Variants in CEP44 observed in about 807,000 individuals in gnomAD.
CEP44 encodes centrosomal protein of 44 kDa.
In CEP44, 45 loss-of-function variants were observed where a neutral mutation model predicts 46.7. The observed-to-expected ratio is 0.96, with a 90% CI of 0.76 to 1.24. The LOEUF (loss-of-function observed/expected upper bound fraction) is 1.24, where lower values mean the gene tolerates loss of function less well. Among genes scored for constraint, CEP44 ranks in the 50% most tolerant of loss-of-function variants. The pLI, the probability that CEP44 is intolerant of heterozygous loss-of-function variation, is 0.00. For missense variants in CEP44, 475 were observed against 459.7 expected, an observed-to-expected ratio of 1.03 and a Z score of -0.30; for synonymous variants, 142 against 146.0, an observed-to-expected ratio of 0.97 and a Z score of 0.20.
chr4:174,306,689 T>G (rs114361367), intron 6 of CEP44, among the ~76,000 whole-genome samples: 81 of 152,268 alleles, frequency 5.3e-4, no homozygotes, highest in Non-Finnish European at 1.0e-3. Flanking sequence ...GCAAAATTGC[T>G]GTATGTTTAA....
At chr4:174,317,007 A>C (rs2126669739) in intron 11 of CEP44, among the ~76,000 whole-genome samples, 1 of 151,890 alleles carries the variant, frequency 6.6e-6, no homozygotes, top group African/African-American at 2.4e-5. Context: ...GTCTAGTACA[A>C]ATGGTGTGAT....
Position 174,316,573 on chromosome 4 carries a change from T to G in CEP44, c.1124+6T>G, listed in dbSNP as rs1221582311. ...ATGGAAAGGATGAAAAAAATGTAAG[T>G]AACAGAAAGGGGCAACAGAAATTCA... On this transcript the variant is annotated splice_donor_region_variant and intron_variant, in intron 11 of 11. Transcript: ENST00000503780. 2.5e-6 allele frequency: 4 copies of G among 1,589,022 alleles called. No individual in the cohort carries two copies. In the Admixed American group the frequency reaches 7.0e-5, roughly 28 times the overall value.
Position 174,299,104 on chromosome 4 carries a change from T to G in CEP44, c.-18T>G, listed in dbSNP as rs768996936. On this transcript the variant is annotated 5_prime_UTR_variant, in exon 3 of 12. Coordinates refer to ENST00000503780, the MANE Select transcript of CEP44 (RefSeq NM_001040157.3). ...ATTAGACGATTTCAAGAATTGGAGC[T>G]GAATCTGATGTTAAGTAATGGCAAC... 2.5e-6 allele frequency: 4 copies of G among 1,601,312 alleles called. No homozygotes were observed. The highest frequency in any genetic ancestry group is 1.7e-4 in the Middle Eastern group (1 of 6,030).
intron 1 of CEP44, among the ~76,000 whole-genome samples, chr4:174,295,743 C>T (rs1023492037): frequency 2.6e-5 from 4 of 152,214 alleles, no homozygotes; most frequent in African/African-American, 7.2e-5. Flanking sequence ...CCCGGCACCT[C>T]GGGAGGCCGA....
chr4:174,298,847 A>AT (rs1192770264), intron 2 of CEP44, among the ~76,000 whole-genome samples: 2 of 152,142 alleles, frequency 1.3e-5, no homozygotes, highest in African/African-American at 2.4e-5. Flanking sequence ...AGGCAAACTT[A>AT]TTTTTTTGGG....
chr4:174,327,964 G>C (rs1202765052), intron 8 of CEP44, among the ~76,000 whole-genome samples: 1 of 152,118 alleles, frequency 6.6e-6, no homozygotes, highest in East Asian at 1.9e-4. Flanking sequence ...TTATAACTTT[G>C]GGTGGGAAAA....
chr4:174,308,782 G>A lies in CEP44; in HGVS notation c.601G>A (p.Val201Ile). The change falls in exon 7 of 12, where the codon GTT becomes ATT. Residue 201 changes from valine (V) to isoleucine (I), a missense_variant. Transcript: ENST00000503780. ...TCCAATAACAGATGTTAATGAAGCA[G>A]TTGATGTGTCTGACTTAAATGCTAC... Reference protein sequence around the residue: ...LSPITDVNEAVDVSDLNATEI... With the variant: ...LSPITDVNEAIDVSDLNATEI... 2 of 1,613,280 alleles carry A rather than the reference G, an allele frequency of 1.2e-6. No individual in the cohort carries two copies. Among genetic ancestry groups the A allele is most frequent in the Non-Finnish European group, 1.7e-6 (2 of 1,179,404 alleles).
At position 174,312,700 on chromosome 4, in the gene CEP44, G is replaced by C. The variant is rs1395040230; in HGVS notation, c.961+1842G>C. On this transcript the variant is annotated intron_variant, in intron 9 of 11. Transcript: ENST00000503780. The surrounding 1 kb of genome is among the most constrained non-coding windows in gnomAD (Gnocchi z 4.5). ...CAGATTATGATTAGGTTGAATACCT[G>C]GTCTCATAGAGTTTATGATCTGATC... Among the ~76,000 whole-genome samples, 1 of 152,008 alleles carries C rather than the reference G, an allele frequency of 6.6e-6. No homozygotes were observed. Among genetic ancestry groups the C allele is most frequent in the Admixed American group, 6.6e-5 (1 of 15,264 alleles).
intron 11 of CEP44, 114 bp downstream of exon 11, chr4:174,316,681 G>A (rs1220435749): frequency 2.1e-6 from 2 of 956,100 alleles, no homozygotes; most frequent in East Asian, 2.9e-5. Flanking sequence ...TCTCAATCAG[G>A]TGTGGAATTT....
downstream of CEP44, among the ~76,000 whole-genome samples, chr4:174,321,633 T>C (rs2126689315): frequency 6.6e-6 from 1 of 152,278 alleles, no homozygotes; most frequent in South Asian, 2.1e-4. Context: ...ATATTCTGCA[T>C]ACATATTTGT....
Position 174,286,668 on chromosome 4 carries a change from C to G in CEP44, c.-148+2725C>G, listed in dbSNP as rs72702249. On this transcript the variant is annotated intron_variant, in intron 1 of 11. Transcript: ENST00000503780. This position sits in a 1 kb window ranked among gnomAD's most constrained non-coding sequence, Gnocchi z 5.2. The stretch of plus-strand genomic sequence containing the variant: ...GTTTATATACCTATTTATGACTCTT[C>G]TTTGGGAAAAATCTCCTTTGATAAT... Among the ~76,000 whole-genome samples the G allele has an allele frequency of 0.072, 10,964 of 152,208 alleles. 508 individuals carry two copies. Among genetic ancestry groups the G allele is most frequent in the Non-Finnish European group, 0.11 (7,278 of 67,992 alleles).
chr4:174,307,573 C>A (rs574036315), intron 6 of CEP44, among the ~76,000 whole-genome samples: 1 of 152,122 alleles, frequency 6.6e-6, no homozygotes, highest in African/African-American at 2.4e-5. Flanking sequence ...ATGACGAAGA[C>A]GCCAAAGGCA....
chr4:174,328,760 A>C (rs1296543326), intron 8 of CEP44, among the ~76,000 whole-genome samples: 3 of 152,190 alleles, frequency 2.0e-5, no homozygotes, highest in Admixed American at 6.5e-5. Context: ...AGATATTGTT[A>C]ATTTACAACT....
chr4:174,331,708 C>G lies in CEP44; in HGVS notation c.*113C>G, dbSNP rs1047663190. The G allele has an allele frequency of 7.2e-7, 1 of 1,392,768 alleles. No individual in the cohort carries two copies. Among genetic ancestry groups the G allele is most frequent in the African/African-American group, 1.4e-5 (1 of 69,436 alleles). 86.3% of individuals were successfully genotyped at this position (1,392,768 alleles called of 1,614,324 possible). A position where few individuals can be genotyped will look rare whatever the true frequency, so the allele number is the denominator to read the frequency against. Reference sequence around the variant, plus strand: ...TGGAAACCAGCTTCCTCCTCAGCTCCAGCTCTTTTAATGGGCATATCAAAA... The same window carrying G: ...TGGAAACCAGCTTCCTCCTCAGCTCGAGCTCTTTTAATGGGCATATCAAAA... On this transcript the variant is annotated 3_prime_UTR_variant, in exon 9 of 9. Transcript: ENST00000426172. This position sits in a 1 kb window ranked among gnomAD's most constrained non-coding sequence, Gnocchi z 4.5.
chr4:174,331,476 T>C lies in CEP44; in HGVS notation c.1087-6T>C, dbSNP rs1258987053. 1 of 1,551,164 alleles carries C rather than the reference T, an allele frequency of 6.4e-7. No homozygotes were observed. The highest frequency in any genetic ancestry group is 8.7e-7 in the Non-Finnish European group (1 of 1,146,772). On this transcript the variant is annotated splice_region_variant and splice_polypyrimidine_tract_variant and intron_variant, in intron 8 of 8. Transcript: ENST00000426172. This position sits in a 1 kb window ranked among gnomAD's most constrained non-coding sequence, Gnocchi z 4.5. ...TTTAATGTATAATTTTGTGTTTCCT[T>C]TCTAGAATTTTCCTGCATGGAGTGC...
rs1737851679 is a variant in CEP44 at position 174,288,885 on chromosome 4, TA to T, written c.-148+4945del. Among the ~76,000 whole-genome samples, 2 of 152,222 alleles carry T rather than the reference TA, an allele frequency of 1.3e-5. No homozygotes were observed. Among genetic ancestry groups the T allele is most frequent in the African/African-American group, 4.8e-5 (2 of 41,464 alleles). On this transcript the variant is annotated intron_variant, in intron 1 of 11. Coordinates refer to ENST00000503780, the MANE Select transcript of CEP44 (RefSeq NM_001040157.3). This position sits in a 1 kb window ranked among gnomAD's most constrained non-coding sequence, Gnocchi z 4.6. ...AAGTATCTTAGCTGTGGGCTTCTCA[TA>T]AATGGACTTTATTTTGTTTTTCCTT...
chr4:174,315,112 A>G (rs7678305), intron 9 of CEP44, among the ~76,000 whole-genome samples: 79,425 of 151,984 alleles, frequency 0.52, 21,451 homozygotes, highest in African/African-American at 0.57. Flanking sequence ...TATGAGAGAT[A>G]AAAATTAGTC....
Position 174,331,333 on chromosome 4 carries a change from G to C in CEP44, c.1087-149G>C, listed in dbSNP as rs1731309413. 4 of 670,022 alleles carry C rather than the reference G, an allele frequency of 6.0e-6. No individual in the cohort carries two copies. Among genetic ancestry groups the C allele is most frequent in the Non-Finnish European group, 8.9e-6 (4 of 447,182 alleles). 41.5% of individuals were successfully genotyped at this position (670,022 alleles called of 1,614,324 possible). A position where few individuals can be genotyped will look rare whatever the true frequency, so the allele number is the denominator to read the frequency against. On this transcript the variant is annotated intron_variant, in intron 8 of 8. Transcript: ENST00000426172. This position sits in a 1 kb window ranked among gnomAD's most constrained non-coding sequence, Gnocchi z 4.5. The stretch of plus-strand genomic sequence containing the variant: ...GATTGTCATTTCTCTTTGTTTGCTT[G>C]GTCTTCTTTAGGCATTATTTTCAGA...
At chr4:174,316,874 C>G (rs925214759) in intron 11 of CEP44, among the ~76,000 whole-genome samples, 6 of 151,978 alleles carry the variant, frequency 3.9e-5, no homozygotes, top group African/African-American at 2.4e-5. Context: ...TTTTTGATAA[C>G]TGATTTATCA....
Sources: gnomAD v4.1 joint callset for allele counts (sites outside exome capture counted in the v4.1 genomes callset) on GRCh38, gnomAD v4.1.1 for gene constraint, Gnocchi (gnomAD v3.1) non-coding constraint, MANE v1.5 for transcripts, NCBI Gene and HGNC (gene_info 2026-07-23, HGNC 2026-07-21) for gene names.